The following NBEAL1 variants were observed in gnomAD, a reference collection of about 807,000 sequenced individuals.
NBEAL1 encodes neurobeachin like 1.
Under a neutral mutation model 351.3 loss-of-function variants are expected in NBEAL1, and 273 were observed. That is an observed-to-expected ratio of 0.78 (90% CI 0.70 to 0.86). The LOEUF is 0.86. NBEAL1 is among the 40% of genes least tolerant of loss of function. NBEAL1 has a pLI of 0.00. For synonymous variants in NBEAL1, 1,050 were observed against 1,086.4 expected (o/e 0.97, Z 0.66); for missense variants, 2,961 against 3,201.3 (o/e 0.92, Z 1.81).
intron 10 of NBEAL1, among the ~76,000 whole-genome samples, chr2:203,096,247 G>A (rs2062181192): frequency 6.6e-6 from 1 of 152,118 alleles, no homozygotes; most frequent in Admixed American, 6.6e-5. Flanking sequence ...TTCAAACTCA[G>A]GTCTCTGATT....
intron 38 of NBEAL1, among the ~76,000 whole-genome samples, chr2:203,168,058 A>G (rs1000920348): frequency 3.3e-5 from 5 of 152,198 alleles, no homozygotes; most frequent in African/African-American, 1.2e-4. Flanking sequence ...TGACTTATTG[A>G]TGGATTTGAT....
intron 8 of NBEAL1, among the ~76,000 whole-genome samples, chr2:203,082,237 A>T (rs1166928570): frequency 6.6e-6 from 1 of 152,232 alleles, no homozygotes; most frequent in Non-Finnish European, 1.5e-5. Flanking sequence ...CCTCCTTAGC[A>T]GCAGGGGCGG....
intron 17 of NBEAL1, among the ~76,000 whole-genome samples, chr2:203,113,821 CTTTTT>C (rs34496672): frequency 7.8e-5 from 9 of 114,716 alleles, no homozygotes; most frequent in African/African-American, 2.5e-4. Flanking sequence ...CTGTGTCTCT[CTTTTT>C]TTTTTTTTTT....
chr2:203,144,977 A>G, intron 32 of NBEAL1, 34 bp from the exon 33 acceptor site: 1 of 1,506,304 alleles, frequency 6.6e-7, no homozygotes, highest in Non-Finnish European at 8.9e-7. Context: ...GTCATATATT[A>G]AATTTTATGT....
intron 10 of NBEAL1, among the ~76,000 whole-genome samples, chr2:203,089,431 T>G (rs1210193331): frequency 6.6e-6 from 1 of 151,658 alleles, no homozygotes; most frequent in East Asian, 1.9e-4. Context: ...CAAAGATGCT[T>G]TGGCTATTTT....
chr2:203,223,782 GT>G lies in NBEAL1; in HGVS notation c.*6432del, dbSNP rs1232007805. 6.6e-6 allele frequency among the ~76,000 whole-genome samples: 1 copy of G among 151,984 alleles called. No individual in the cohort carries two copies. The highest frequency in any genetic ancestry group is 1.5e-5 in the Non-Finnish European group (1 of 67,894). ...AACATATTCTGACACTAAGCAACAT[GT>G]TTTACAATTTAGTGGGATGAACCTA... On this transcript the variant is annotated 3_prime_UTR_variant, in exon 56 of 56. Coordinates refer to ENST00000683969, the MANE Select transcript of NBEAL1 (RefSeq NM_001378026.1).
chr2:203,153,528 A>G (rs1443562569), intron 35 of NBEAL1, among the ~76,000 whole-genome samples: 1 of 152,160 alleles, frequency 6.6e-6, no homozygotes, highest in Non-Finnish European at 1.5e-5. Context: ...GATGCCTGCC[A>G]TTTAGAGTCT....
intron 27 of NBEAL1, among the ~76,000 whole-genome samples, chr2:203,135,075 C>T (rs1273058041): frequency 6.6e-6 from 1 of 151,390 alleles, no homozygotes; most frequent in Non-Finnish European, 1.5e-5. Flanking sequence ...ACTCGGGAGG[C>T]TGAGGCAGGA....
In NBEAL1 at chr2:203,136,716, C is replaced by G. The variant is rs1402790660; in HGVS notation, c.4507C>G (p.Leu1503Val). ...WIERGQVFSA[L>V]SKPGISSELL... ...TGAACGAGGACAAGTGTTTTCAGCA[C>G]TAAGTAAACCAGGAATATCCAGTGA... is the stretch of plus-strand genomic sequence containing the variant. Residue 1503 changes from leucine to valine, a missense_variant, in exon 29 of 56, where the codon CTA (leucine) becomes GTA (valine). Coordinates refer to ENST00000683969, the MANE Select transcript of NBEAL1 (RefSeq NM_001378026.1). The G allele has an allele frequency of 1.9e-6, 3 of 1,613,734 alleles. No individual in the cohort carries two copies. The highest frequency in any genetic ancestry group is 2.2e-5 in the East Asian group (1 of 44,812).
chr2:203,192,512 G>A (rs2105784318), intron 46 of NBEAL1, among the ~76,000 whole-genome samples: 1 of 151,458 alleles, frequency 6.6e-6, no homozygotes, highest in East Asian at 1.9e-4. Context: ...AGCCTCCCAA[G>A]TAGCTGGGAT....
chr2:203,114,269 TAGTC>T lies in NBEAL1; in HGVS notation c.2506+956_2506+959del, dbSNP rs566726707. 3.6e-4 allele frequency among the ~76,000 whole-genome samples: 55 copies of T among 152,326 alleles called. 1 individual carries two copies. In the South Asian group the frequency reaches 9.9e-3, roughly 28 times the overall value. On this transcript the variant is annotated intron_variant, in intron 17 of 55. Coordinates refer to ENST00000683969, the MANE Select transcript of NBEAL1 (RefSeq NM_001378026.1). ...TTTAAATAGGAAGTTTAGGGGGACATAGTCAGTCCATAACACTGCCAGTACTTTT... is the reference window on the plus strand; with the variant it reads ...TTTAAATAGGAAGTTTAGGGGGACATAGTCCATAACACTGCCAGTACTTTT...
chr2:203,042,251 C>T (rs544633086), intron 3 of NBEAL1, among the ~76,000 whole-genome samples: 21 of 152,358 alleles, frequency 1.4e-4, no homozygotes, highest in Middle Eastern at 3.4e-3. Flanking sequence ...CTCCTCCCCA[C>T]CTCAAGTTCA....
chr2:203,136,512 T>TA, intron 28 of NBEAL1, 87 bp from the exon 29 acceptor site: 1 of 979,366 alleles, frequency 1.0e-6, no homozygotes. Context: ...GTTAAATGAT[T>TA]ACAATGAGTA....
intron 6 of NBEAL1, among the ~76,000 whole-genome samples, chr2:203,067,956 A>T (rs1213126414): frequency 6.6e-6 from 1 of 152,224 alleles, no homozygotes; most frequent in African/African-American, 2.4e-5. Context: ...TATCCTCAAG[A>T]TGAAAGAAGC....
chr2:203,163,298 T>C (rs868060017), intron 36 of NBEAL1, among the ~76,000 whole-genome samples: 17 of 152,346 alleles, frequency 1.1e-4, no homozygotes, highest in Middle Eastern at 3.4e-3. Flanking sequence ...CAGAAAGTGC[T>C]TTAAGAATTG....
chr2:203,145,479 C>G (rs1022970569), intron 33 of NBEAL1, among the ~76,000 whole-genome samples: 8 of 152,134 alleles, frequency 5.3e-5, no homozygotes, highest in Admixed American at 3.9e-4. Flanking sequence ...AAAAAGGCAT[C>G]AAATTTTAAG....
intron 48 of NBEAL1, 25 bp downstream of exon 48, chr2:203,197,416 C>T (rs751502032): frequency 3.0e-6 from 4 of 1,332,598 alleles, no homozygotes; most frequent in Non-Finnish European, 4.3e-6. Flanking sequence ...ACCTTTTTCA[C>T]ACTGCTATGC....
At chr2:203,028,524 A>C (rs1245686612) in intron 2 of NBEAL1, among the ~76,000 whole-genome samples, 2 of 151,750 alleles carry the variant, frequency 1.3e-5, no homozygotes, top group Admixed American at 6.6e-5. Context: ...ACTACTACAA[A>C]TTATTAATAT....
chr2:203,131,979 G>A lies in NBEAL1; in HGVS notation c.3571G>A (p.Glu1191Lys), dbSNP rs1027077740. Residue 1191 changes from glutamate to lysine, a missense_variant, in exon 26 of 56, where the codon GAA (glutamate) becomes AAA (lysine). Physicochemically the swap from Glu to Lys is moderately conservative, Grantham distance 56. Transcript: ENST00000683969. ...RLREIIFKIM[E>K]QMLKCTNVYE... is the part of the protein sequence containing the mutation. ...TATTACTTGTCGTGACCAGATTATG[G>A]AACAAATGTTGAAATGCACGAACGT... The A allele has an allele frequency of 2.0e-6, 3 of 1,531,484 alleles. No homozygotes were observed. The African/African-American group carries it at 4.2e-5, about 21-fold the overall frequency. The allele number at this position is 1,531,484 out of a possible 1,614,324, so 94.9% of individuals were successfully genotyped here. A position where few individuals can be genotyped will look rare whatever the true frequency, so the allele number is the denominator to read the frequency against.
Sources: allele counts gnomAD v4.1 joint callset (sites outside exome capture counted in the v4.1 genomes callset), GRCh38; gene constraint gnomAD v4.1.1; transcripts MANE v1.5; gene names NCBI Gene and HGNC (gene_info 2026-07-23, HGNC 2026-07-21).